LRP1B: variants seen among roughly 807,000 people sequenced by gnomAD.
LRP1B encodes low-density lipoprotein receptor-related protein 1B.
A neutral mutation model predicts 556.6 loss-of-function variants in LRP1B; 217 were observed. The ratio of observed to expected loss-of-function variants is 0.39; its 90% CI spans 0.35 to 0.44. The LOEUF is 0.44. Among genes scored for constraint, LRP1B ranks in the 20% least tolerant of loss-of-function variants. The pLI, the probability that LRP1B is intolerant of heterozygous loss-of-function variation, is 1.00. For missense variants in LRP1B, 5,053 were observed against 5,620.8 expected (o/e 0.90, Z 3.23); for synonymous variants, 2,047 against 1,865.8 (o/e 1.10, Z -2.50).
chr2:142,130,651 G>C lies in LRP1B; in HGVS notation c.79C>G (p.Arg27Gly). ...AGCGGGGAGGTGTTCTCCTTACCTC[G>C]GTCGGCTCCCACGGTCAGCACCCTG... ...IARVLTVGAD[R>G]DQQLCDPGEF... is the part of the protein sequence containing the mutation. The change falls in exon 1 of 91, where the codon CGA becomes GGA. Residue 27 changes from arginine to glycine, a missense_variant. Around this residue, in one of 5 missense-constraint regions of LRP1B, gnomAD observed 3,619 missense variants for 3,931.9 expected, o/e 0.92. Coordinates refer to ENST00000389484, the MANE Select transcript of LRP1B (RefSeq NM_018557.3). 6.2e-7 allele frequency: 1 copy of C among 1,610,908 alleles called. No individual in the cohort carries two copies. The highest frequency in any genetic ancestry group is 8.5e-7 in the Non-Finnish European group (1 of 1,178,106).
intron 71 of LRP1B, among the ~76,000 whole-genome samples, chr2:140,365,781 A>G (rs1156671512): frequency 6.6e-6 from 1 of 151,692 alleles, no homozygotes; most frequent in Non-Finnish European, 1.5e-5. Context: ...AAGAGATACA[A>G]TTCATGGGTT....
At chr2:140,975,429 T>C (rs1696564296) in intron 18 of LRP1B, among the ~76,000 whole-genome samples, 1 of 152,036 alleles carries the variant, frequency 6.6e-6, no homozygotes, top group African/African-American at 2.4e-5. Context: ...CTAGACCTGC[T>C]TGAAAAGATG....
chr2:141,855,228 A>G (rs184861590), intron 1 of LRP1B, among the ~76,000 whole-genome samples: 50 of 152,232 alleles, frequency 3.3e-4, no homozygotes, highest in African/African-American at 1.1e-3. Context: ...CAATTTTGAC[A>G]GAAGCAGATG....
intron 1 of LRP1B, among the ~76,000 whole-genome samples, chr2:142,115,649 ATATTATATG>A (rs1248457299): frequency 4.7e-4 from 7 of 14,904 alleles, no homozygotes; most frequent in African/African-American, 1.2e-3. Context: ...TGTAATATAT[ATATTATATG>A]TAATATATAT....
intron 66 of LRP1B, among the ~76,000 whole-genome samples, chr2:140,435,669 GAA>G (rs61686870): frequency 8.7e-4 from 128 of 146,320 alleles, no homozygotes; most frequent in Middle Eastern, 3.5e-3. Flanking sequence ...TGTTAAGACA[GAA>G]AAAAAAAAAA....
chr2:141,945,819 C>A (rs1415797782), intron 1 of LRP1B, among the ~76,000 whole-genome samples: 1 of 152,048 alleles, frequency 6.6e-6, no homozygotes, highest in Non-Finnish European at 1.5e-5. Context: ...AGCCATACAC[C>A]ATATTTTAGA....
chr2:141,952,143 T>G (rs1701124079), intron 1 of LRP1B, among the ~76,000 whole-genome samples: 1 of 151,648 alleles, frequency 6.6e-6, no homozygotes, highest in Non-Finnish European at 1.5e-5. Context: ...GAATGATGGT[T>G]TCCAGCTTCA....
intron 3 of LRP1B, among the ~76,000 whole-genome samples, chr2:141,329,396 A>AAAAAAAAAAG (rs1687550353): frequency 1.3e-5 from 2 of 150,576 alleles, no homozygotes; most frequent in African/African-American, 4.9e-5. Context: ...CAAAAAAAAA[A>AAAAAAAAAAG]AAAAAAGGGA....
intron 66 of LRP1B, among the ~76,000 whole-genome samples, chr2:140,400,662 G>A (rs1167123500): frequency 3.3e-5 from 5 of 152,134 alleles, no homozygotes; most frequent in Non-Finnish European, 7.4e-5. Context: ...AGAATAACGT[G>A]TAGAGATTCA....
At chr2:141,101,289 A>G (rs927087454) in intron 7 of LRP1B, among the ~76,000 whole-genome samples, 5 of 152,206 alleles carry the variant, frequency 3.3e-5, no homozygotes, top group African/African-American at 1.2e-4. Context: ...GTCTCCCCAC[A>G]TAATACTTCC....
At chr2:141,102,024 G>C (rs1459703318) in intron 7 of LRP1B, among the ~76,000 whole-genome samples, 2 of 152,050 alleles carry the variant, frequency 1.3e-5, no homozygotes, top group Admixed American at 1.3e-4. Context: ...AACTTATTTG[G>C]TTATCCAGTA....
chr2:141,344,606 G>A (rs1688179674), intron 3 of LRP1B, among the ~76,000 whole-genome samples: 1 of 151,836 alleles, frequency 6.6e-6, no homozygotes, highest in South Asian at 2.1e-4. Context: ...TTTCTTCTCA[G>A]CACGTATTCT....
At chr2:140,601,962 G>T (rs1441466) in intron 41 of LRP1B, among the ~76,000 whole-genome samples, 62,035 of 151,714 alleles carry the variant, frequency 0.41, 12,929 homozygotes, top group Middle Eastern at 0.5. Flanking sequence ...AATATCCAAC[G>T]TGCAACAACT....
At chr2:140,361,923 T>C (rs962330489) in intron 72 of LRP1B, among the ~76,000 whole-genome samples, 7 of 151,628 alleles carry the variant, frequency 4.6e-5, no homozygotes, top group Non-Finnish European at 8.9e-5. Flanking sequence ...AGTCTTCTAA[T>C]CTTTACTTGC....
chr2:140,386,126 G>A (rs192200342), intron 66 of LRP1B, 117 bp from the exon 67 acceptor site: 29 of 670,152 alleles, frequency 4.3e-5, no homozygotes, highest in African/African-American at 2.4e-4. Flanking sequence ...CAGTTACTAA[G>A]AAGCATCCTT....
intron 1 of LRP1B, among the ~76,000 whole-genome samples, chr2:141,923,373 T>G (rs1558964113): frequency 1.5e-5 from 2 of 129,042 alleles, no homozygotes; most frequent in Non-Finnish European, 3.2e-5. Flanking sequence ...AGGTTGCTAA[T>G]ATAAATTTTT....
intron 32 of LRP1B, among the ~76,000 whole-genome samples, chr2:140,803,066 T>G (rs545809512): frequency 8.1e-4 from 123 of 152,240 alleles, no homozygotes; most frequent in African/African-American, 2.9e-3. Flanking sequence ...AGTCCCCCTC[T>G]GAAGACATTT....
intron 2 of LRP1B, among the ~76,000 whole-genome samples, chr2:141,785,455 GA>G (rs1247985937): frequency 6.6e-6 from 1 of 151,934 alleles, no homozygotes; most frequent in Admixed American, 6.6e-5. Flanking sequence ...ATTGGCTCTG[GA>G]AAGGAAACTG....
chr2:140,492,598 AGT>A lies in LRP1B; in HGVS notation c.9120+8_9120+9del, dbSNP rs1159553379. On this transcript the variant is annotated splice_region_variant and intron_variant, in intron 57 of 90. Coordinates refer to ENST00000389484, the MANE Select transcript of LRP1B (RefSeq NM_018557.3). Reference sequence around the variant, plus strand: ...TTAAATGTTACGGTGTCATCTTGGGAGTGTCATACCTGTTTTAAAAGTGTGTA... The same window carrying A: ...TTAAATGTTACGGTGTCATCTTGGGAGTCATACCTGTTTTAAAAGTGTGTA... 3.1e-6 allele frequency: 5 copies of A among 1,595,406 alleles called. No homozygotes were observed. In the African/African-American group the frequency reaches 4.0e-5, roughly 13 times the overall value.
Sources: gnomAD v4.1 joint callset for allele counts (sites outside exome capture counted in the v4.1 genomes callset) on GRCh38, gnomAD v4.1.1 for gene constraint, gnomAD v4.1.1 regional missense constraint, MANE v1.5 for transcripts, NCBI Gene and HGNC (gene_info 2026-07-23, HGNC 2026-07-21) for gene names.